The following CHST11 variants were observed in gnomAD, a reference collection of about 807,000 sequenced individuals.
The protein encoded by CHST11 is carbohydrate sulfotransferase 11.
A neutral mutation model predicts 30.4 loss-of-function variants in CHST11; 9 were observed. The ratio of observed to expected loss-of-function variants is 0.30; its 90% CI spans 0.18 to 0.52. The LOEUF (loss-of-function observed/expected upper bound fraction) is 0.52. Ranked by LOEUF, CHST11 falls within the 20% of genes least tolerant of loss-of-function variation. CHST11 has a pLI of 0.97. For missense variants in CHST11, 348 were observed against 460.6 expected, an observed-to-expected ratio of 0.76 and a Z score of 2.24; for synonymous variants, 152 against 187.8, an observed-to-expected ratio of 0.81 and a Z score of 1.56.
At chr12:104,723,563 C>G (rs1427086048) in intron 2 of CHST11, among the ~76,000 whole-genome samples, 1 of 152,224 alleles carries the variant, frequency 6.6e-6, no homozygotes, top group Non-Finnish European at 1.5e-5. Context: ...CCCCATATAT[C>G]TGCCTCTGGC....
chr12:104,513,956 G>T, intron 1 of CHST11: 2 of 577,498 alleles, frequency 3.5e-6, no homozygotes, highest in African/African-American at 1.9e-5. Flanking sequence ...TTTTAAAGAA[G>T]AGAGGGTTAG....
At chr12:104,582,126 G>C (rs1304876026) in intron 1 of CHST11, among the ~76,000 whole-genome samples, 1 of 152,226 alleles carries the variant, frequency 6.6e-6, no homozygotes, top group Non-Finnish European at 1.5e-5. Flanking sequence ...ATGTGCGCCT[G>C]AGAGTTGTGG....
intron 1 of CHST11, among the ~76,000 whole-genome samples, chr12:104,567,961 CAGAACTGTGAGCA>C (rs2038583921): frequency 6.6e-6 from 1 of 152,146 alleles, no homozygotes; most frequent in Non-Finnish European, 1.5e-5. Flanking sequence ...TCCCAGCCTC[CAGAACTGTGAGCA>C]ATACATTGAT....
intron 1 of CHST11, among the ~76,000 whole-genome samples, chr12:104,583,807 G>T (rs113929070): frequency 6.6e-6 from 1 of 151,844 alleles, no homozygotes; most frequent in African/African-American, 2.4e-5. Context: ...CTGCCTCCTG[G>T]GTTCAAGCAA....
Position 104,693,436 on chromosome 12 carries a change from G to A in CHST11, c.205-63513G>A, listed in dbSNP as rs114482711. Among the ~76,000 whole-genome samples the A allele has an allele frequency of 1.8e-3, 268 of 152,312 alleles. 1 individual carries two copies. Among genetic ancestry groups the A allele is most frequent in the African/African-American group, 6.1e-3 (255 of 41,562 alleles). Reference sequence around the variant, plus strand: ...TGGGACACTTTGAGAGGGAAGGATCGTCATTAATATTTGTGCTGGGTCAAC... The same window carrying A: ...TGGGACACTTTGAGAGGGAAGGATCATCATTAATATTTGTGCTGGGTCAAC... On this transcript the variant is annotated intron_variant, in intron 2 of 2. Transcript: ENST00000303694.
intron 2 of CHST11, among the ~76,000 whole-genome samples, chr12:104,670,620 C>G (rs963306184): frequency 2.0e-5 from 3 of 149,486 alleles, no homozygotes; most frequent in Non-Finnish European, 4.5e-5. Context: ...CATCCATACA[C>G]ACGCACTCAC....
chr12:104,592,793 T>C (rs2038872992), intron 1 of CHST11, among the ~76,000 whole-genome samples: 1 of 152,214 alleles, frequency 6.6e-6, no homozygotes, highest in African/African-American at 2.4e-5. Flanking sequence ...GGTTGACAAC[T>C]GATTTGTACT....
At chr12:104,506,032 G>A (rs79259177) in intron 1 of CHST11, among the ~76,000 whole-genome samples, 7,105 of 152,250 alleles carry the variant, frequency 0.047, 246 homozygotes, top group Non-Finnish European at 0.064. Flanking sequence ...TTGAGAACTG[G>A]AGGCATCACC....
At chr12:104,738,441 A>C (rs1398724940) in intron 2 of CHST11, among the ~76,000 whole-genome samples, 1 of 152,052 alleles carries the variant, frequency 6.6e-6, no homozygotes, top group Non-Finnish European at 1.5e-5. Context: ...CTGGAACGGC[A>C]CTCCTGTGCC....
chr12:104,561,432 C>G lies in CHST11; in HGVS notation c.119-40474C>G, dbSNP rs189221138. 1.6e-3 allele frequency among the ~76,000 whole-genome samples: 248 copies of G among 152,334 alleles called. 2 individuals carry two copies. Among genetic ancestry groups the G allele is most frequent in the African/African-American group, 5.8e-3 (240 of 41,588 alleles). On this transcript the variant is annotated intron_variant, in intron 1 of 2. Transcript: ENST00000303694. ...GGCCAGAACTGGGCCATGTGGTGTA[C>G]TTCTTGTTCAAAGGGGTTTTTAGCT...
intron 2 of CHST11, among the ~76,000 whole-genome samples, chr12:104,708,844 C>T (rs992234612): frequency 1.3e-5 from 2 of 152,232 alleles, no homozygotes; most frequent in Non-Finnish European, 2.9e-5. Flanking sequence ...ACCTGCGATG[C>T]GGCAGGGGCC....
intron 2 of CHST11, among the ~76,000 whole-genome samples, chr12:104,607,732 G>C (rs1326886869): frequency 1.3e-5 from 2 of 152,162 alleles, no homozygotes; most frequent in Non-Finnish European, 1.5e-5. Context: ...GATCGGAGAG[G>C]GGGCAGGAGT....
chr12:104,631,826 G>A (rs2039273129), intron 2 of CHST11, among the ~76,000 whole-genome samples: 1 of 152,134 alleles, frequency 6.6e-6, no homozygotes, highest in African/African-American at 2.4e-5. Flanking sequence ...CTGATTGCAG[G>A]GTCGGAGCCA....
intron 1 of CHST11, chr12:104,591,653 A>G: frequency 6.6e-6 from 1 of 151,772 alleles, no homozygotes; most frequent in Middle Eastern, 5.4e-4. Flanking sequence ...AGTCAAGGCC[A>G]GAGGTCCCAC....
intron 2 of CHST11, among the ~76,000 whole-genome samples, chr12:104,633,551 A>T (rs1467776153): frequency 6.7e-6 from 1 of 150,340 alleles, no homozygotes; most frequent in Non-Finnish European, 1.5e-5. Context: ...AGTAGCTGGG[A>T]TTACAGGTGC....
chr12:104,629,889 A>T (rs1592804073), intron 2 of CHST11, among the ~76,000 whole-genome samples: 1 of 152,164 alleles, frequency 6.6e-6, no homozygotes, highest in African/African-American at 2.4e-5. Flanking sequence ...AGTGCAGCCT[A>T]CCTTAAACAT....
chr12:104,490,282 G>A (rs1454287190), intron 1 of CHST11, among the ~76,000 whole-genome samples: 1 of 152,168 alleles, frequency 6.6e-6, no homozygotes, highest in African/African-American at 2.4e-5. Context: ...ACCCTCTGGT[G>A]TGTATAGGAG....
chr12:104,475,464 G>T (rs1457104184), intron 1 of CHST11, among the ~76,000 whole-genome samples: 1 of 151,622 alleles, frequency 6.6e-6, no homozygotes, highest in African/African-American at 2.4e-5. Flanking sequence ...AGCATTTGTT[G>T]AATGGCTACT....
chr12:104,583,708 CA>C (rs1208820872), intron 1 of CHST11, among the ~76,000 whole-genome samples: 2 of 100,340 alleles, frequency 2.0e-5, no homozygotes, highest in Non-Finnish European at 4.0e-5. Context: ...TCTCAGTTTT[CA>C]AAGATCTCTC....
Sources: allele counts gnomAD v4.1 joint callset (sites outside exome capture counted in the v4.1 genomes callset), GRCh38; gene constraint gnomAD v4.1.1; transcripts MANE v1.5; gene names NCBI Gene and HGNC (gene_info 2026-07-23, HGNC 2026-07-21).